Variants in CLVS1 observed in about 807,000 individuals in gnomAD.
The protein encoded by CLVS1 is clavesin 1, also known as clavesin-1.
In CLVS1, 10 loss-of-function variants were observed where a neutral mutation model predicts 33.1. The observed-to-expected ratio is 0.30, with a 90% CI of 0.19 to 0.51. The LOEUF (loss-of-function observed/expected upper bound fraction) is 0.51. CLVS1 is among the 20% of genes least tolerant of loss of function. The pLI, the probability that CLVS1 is intolerant of heterozygous loss-of-function variation, is 0.97. For synonymous variants in CLVS1, 163 were observed against 166.1 expected (o/e 0.98, Z 0.14); for missense variants, 343 against 433.4 (o/e 0.79, Z 1.85).
the CLVS1 span, chr8:60,967,787 T>TA: frequency 2.3e-6 from 1 of 441,410 alleles, no homozygotes; most frequent in Non-Finnish European, 4.5e-6. Context: ...TTTCCTCTTA[T>TA]GAGTACTCAG....
chr8:61,477,147 A>G (rs969734499), intron 5 of CLVS1, among the ~76,000 whole-genome samples: 1 of 152,304 alleles, frequency 6.6e-6, no homozygotes, highest in East Asian at 1.9e-4. Context: ...CGGATGAAGC[A>G]CACTTGATCA....
At chr8:61,026,720 G>A in the CLVS1 span, among the ~76,000 whole-genome samples, 2 of 152,134 alleles carry the variant, frequency 1.3e-5, no homozygotes, top group African/African-American at 4.8e-5. Context: ...TCATGTACCT[G>A]GACACAAAAA....
At chr8:61,088,832 C>G (rs529991044) in intron 1 of CLVS1, among the ~76,000 whole-genome samples, 1 of 147,268 alleles carries the variant, frequency 6.8e-6, no homozygotes, top group Non-Finnish European at 1.5e-5. Flanking sequence ...GATGGAGTCT[C>G]GCTCTGTCGC....
the CLVS1 span, among the ~76,000 whole-genome samples, chr8:60,971,517 T>C: frequency 6.6e-6 from 1 of 152,214 alleles, no homozygotes; most frequent in Admixed American, 6.5e-5. Flanking sequence ...TTCTTCCAAA[T>C]CCCCTTTTTT....
intron 2 of CLVS1, among the ~76,000 whole-genome samples, chr8:61,305,418 A>G (rs1810587431): frequency 1.3e-5 from 2 of 152,142 alleles, no homozygotes; most frequent in South Asian, 4.2e-4. Flanking sequence ...GTGAGTGAGA[A>G]CATGAAATAT....
chr8:61,478,225 C>G (rs1371330465), intron 5 of CLVS1, among the ~76,000 whole-genome samples: 1 of 152,146 alleles, frequency 6.6e-6, no homozygotes, highest in Non-Finnish European at 1.5e-5. Context: ...CTGAGGAGTG[C>G]TGTACTTCCA....
At position 61,075,731 on chromosome 8, in the gene CLVS1, C is replaced by A. The variant is rs554916495; in HGVS notation, c.-243+18501C>A. ...CTCCTCTGTCTTGGCCCAGCAGCAC[C>A]CTGATTGCCCATGCAGTGTGGCTGA... On this transcript the variant is annotated intron_variant, in intron 1 of 2. Coordinates refer to the CLVS1 transcript ENST00000522621. Among the ~76,000 whole-genome samples, 7 of 152,328 alleles carry A rather than the reference C, an allele frequency of 4.6e-5. No homozygotes were observed. In the East Asian group the frequency reaches 1.3e-3, roughly 29 times the overall value.
chr8:61,191,307 C>A (rs1222100731), intron 2 of CLVS1, among the ~76,000 whole-genome samples: 6 of 152,128 alleles, frequency 3.9e-5, no homozygotes, highest in Admixed American at 3.9e-4. Context: ...CAGAAAAGGC[C>A]TTTGACAAAA....
At chr8:61,340,696 C>A (rs1812000398) in intron 2 of CLVS1, among the ~76,000 whole-genome samples, 1 of 152,166 alleles carries the variant, frequency 6.6e-6, no homozygotes, top group East Asian at 1.9e-4. Context: ...TGGCTATATG[C>A]CCAGTAGTAG....
chr8:61,444,679 G>A (rs1202028083), intron 3 of CLVS1, among the ~76,000 whole-genome samples: 4 of 152,234 alleles, frequency 2.6e-5, no homozygotes, highest in Non-Finnish European at 4.4e-5. Context: ...AAAGCCCCGA[G>A]GTTAGTCAGG....
chr8:61,304,660 G>T (rs139593606), intron 2 of CLVS1, among the ~76,000 whole-genome samples: 1 of 152,108 alleles, frequency 6.6e-6, no homozygotes, highest in Non-Finnish European at 1.5e-5. Context: ...TTTAAGATCT[G>T]ATGAAAAACA....
intron 2 of CLVS1, among the ~76,000 whole-genome samples, chr8:61,132,145 A>T (rs1417159993): frequency 6.6e-6 from 1 of 152,252 alleles, no homozygotes; most frequent in Non-Finnish European, 1.5e-5. Context: ...CAGAGAAACA[A>T]CGAGGCTGGA....
chr8:61,420,337 C>T (rs796968335), intron 3 of CLVS1, among the ~76,000 whole-genome samples: 6 of 152,280 alleles, frequency 3.9e-5, no homozygotes, highest in East Asian at 1.9e-4. Flanking sequence ...CGGTGGCTCA[C>T]GCCTGTAATC....
intron 3 of CLVS1, among the ~76,000 whole-genome samples, chr8:61,381,163 T>C (rs1035386549): frequency 6.6e-6 from 1 of 152,104 alleles, no homozygotes; most frequent in African/African-American, 2.4e-5. Flanking sequence ...TGACCTTTTT[T>C]TTTTCTGTTA....
chr8:61,441,570 C>T (rs565965329), intron 3 of CLVS1, among the ~76,000 whole-genome samples: 1 of 152,234 alleles, frequency 6.6e-6, no homozygotes, highest in South Asian at 2.1e-4. Context: ...ATGTTTTGAA[C>T]CTTGTTGTGA....
At chr8:61,424,041 G>A (rs1278945744) in intron 3 of CLVS1, among the ~76,000 whole-genome samples, 2 of 152,072 alleles carry the variant, frequency 1.3e-5, no homozygotes, top group Admixed American at 6.6e-5. Context: ...CCTTGCACAC[G>A]CACACAAACA....
intron 5 of CLVS1, among the ~76,000 whole-genome samples, chr8:61,480,412 G>A (rs908222138): frequency 2.0e-5 from 3 of 152,222 alleles, no homozygotes; most frequent in African/African-American, 4.8e-5. Context: ...TTGGTGTGCC[G>A]TTTGTTAAGC....
chr8:61,230,826 C>G (rs1417717668), intron 2 of CLVS1, among the ~76,000 whole-genome samples: 4 of 152,160 alleles, frequency 2.6e-5, no homozygotes, highest in African/African-American at 9.7e-5. Context: ...AGTCCAAGAT[C>G]AAGACACTGG....
chr8:61,381,759 G>C (rs1198694700), intron 3 of CLVS1, among the ~76,000 whole-genome samples: 1 of 152,148 alleles, frequency 6.6e-6, no homozygotes, highest in Non-Finnish European at 1.5e-5. Context: ...TTGCTGCAAA[G>C]GACAGGATTT....
Sources: gnomAD v4.1 joint callset for allele counts (sites outside exome capture counted in the v4.1 genomes callset) on GRCh38, gnomAD v4.1.1 for gene constraint, MANE v1.5 for transcripts, NCBI Gene and HGNC (gene_info 2026-07-23, HGNC 2026-07-21) for gene names.